Variants in CIITA observed in about 807,000 individuals in gnomAD.
CIITA encodes the protein class II major histocompatibility complex transactivator, also known as MHC class II transactivator.
CIITA carries 72 observed loss-of-function variants against 115.1 expected under a neutral mutation model. The ratio of observed to expected loss-of-function variants is 0.63; its 90% confidence interval spans 0.52 to 0.76. The LOEUF (loss-of-function observed/expected upper bound fraction) is 0.76, where lower values mean the gene tolerates loss of function less well. CIITA is among the 30% of genes least tolerant of loss of function. CIITA has a pLI of 0.00. For missense variants in CIITA, 1,617 were observed against 1,463.8 expected (o/e 1.10, Z -1.71); for synonymous variants, 763 against 635.6 (o/e 1.20, Z -3.02).
intron 16 of CIITA, among the ~76,000 whole-genome samples, chr16:10,918,848 G>A (rs892805302): frequency 1.3e-5 from 2 of 152,186 alleles, no homozygotes; most frequent in Non-Finnish European, 2.9e-5. Context: ...CGGAACCTAG[G>A]GGTGGTGGCT....
At chr16:10,902,932 C>G (rs1453530105) in intron 8 of CIITA, 131 bp downstream of exon 8, 2 of 1,132,000 alleles carry the variant, frequency 1.8e-6, no homozygotes, top group African/African-American at 3.1e-5. Context: ...CTCCCCAGCA[C>G]AACTTTCTCT....
chr16:10,918,413 GC>G, intron 15 of CIITA, 26 bp from the exon 16 acceptor site: 1 of 1,607,444 alleles, frequency 6.2e-7, no homozygotes, highest in Non-Finnish European at 8.5e-7. Flanking sequence ...TTGGTCCTGA[GC>G]CCTCCCCCTC....
intron 3 of CIITA, 70 bp downstream of exon 3, chr16:10,895,834 C>T (rs2038071757): frequency 2.1e-6 from 3 of 1,457,620 alleles, no homozygotes; most frequent in Admixed American, 1.7e-5. Context: ...TTGTCAATAT[C>T]ACCCATTCAT....
At chr16:10,902,254 G>A (rs1445288661) in intron 7 of CIITA, 70 bp downstream of exon 7, 1 of 1,594,476 alleles carries the variant, frequency 6.3e-7, no homozygotes, top group African/African-American at 1.3e-5. Context: ...TGACACTAAG[G>A]CAGGGACTGT....
In CIITA at chr16:10,929,694, T is replaced by G. The variant is rs2040694270; in HGVS notation, c.*5839T>G. 3.0e-6 allele frequency: 1 copy of G among 331,472 alleles called. No individual in the cohort carries two copies. The highest frequency in any genetic ancestry group is 2.2e-5 in the African/African-American group (1 of 44,586). The allele number at this position is 331,472 out of a possible 1,614,324, so 20.5% of individuals were successfully genotyped here. A position where few individuals can be genotyped will look rare whatever the true frequency, so the allele number is the denominator to read the frequency against. On this transcript the variant is annotated 3_prime_UTR_variant, in exon 20 of 20. Coordinates refer to ENST00000324288, the MANE Select transcript of CIITA (RefSeq NM_000246.4). The surrounding 1 kb of genome is among the most constrained non-coding windows in gnomAD (Gnocchi z 4.3). ...GGGAAGTCTTCCTCCATCCCTCAAA[T>G]TTAGGGAACCACTGGGAGCCCCAGA...
intron 1 of CIITA, among the ~76,000 whole-genome samples, chr16:10,893,804 TAAAAAAAAAAAAA>T (rs71136603): frequency 5.6e-4 from 18 of 32,172 alleles, no homozygotes; most frequent in Admixed American, 1.9e-3. Context: ...GACTCCGTCT[TAAAAAAAAAAAAA>T]AAAAAAAAAA....
In CIITA at chr16:10,894,576, A is replaced by T. The variant is rs867649186; in HGVS notation, c.53-706A>T. Among the ~76,000 whole-genome samples, 55 of 152,364 alleles carry T rather than the reference A, an allele frequency of 3.6e-4. No individual in the cohort carries two copies. The Middle Eastern group carries it at 0.017, about 47-fold the overall frequency. ...ATGTCAGGATATTTGAGGTATCCACATTTGGGATTGTTTAAAGATTAAATG... is the reference window on the plus strand; with the variant it reads ...ATGTCAGGATATTTGAGGTATCCACTTTTGGGATTGTTTAAAGATTAAATG... On this transcript the variant is annotated intron_variant, in intron 1 of 19. Transcript: ENST00000324288.
intron 1 of CIITA, among the ~76,000 whole-genome samples, chr16:10,893,799 C>G (rs911439269): frequency 5.0e-5 from 3 of 59,616 alleles, no homozygotes; most frequent in Non-Finnish European, 9.0e-5. Context: ...ACAGAGACTC[C>G]GTCTTAAAAA....
rs1015113927 is a variant in CIITA, at chr16:10,929,174, C to A, written c.*5319C>A. 2.0e-6 allele frequency: 2 copies of A among 979,676 alleles called. No homozygotes were observed. The highest frequency in any genetic ancestry group is 1.8e-5 in the African/African-American group (1 of 57,128). The allele number at this position is 979,676 out of a possible 1,614,324, so 60.7% of individuals were successfully genotyped here. ...CCTGAAACAGTCGCTGCATCTAAGACCAGCCTCGGGCTAAACCCAGCTGGC... is the reference window on the plus strand; with the variant it reads ...CCTGAAACAGTCGCTGCATCTAAGAACAGCCTCGGGCTAAACCCAGCTGGC... On this transcript the variant is annotated 3_prime_UTR_variant, in exon 20 of 20. Transcript: ENST00000324288. The surrounding 1 kb of genome is among the most constrained non-coding windows in gnomAD (Gnocchi z 4.3).
At chr16:10,904,936 TATTC>T (rs151070223) in intron 10 of CIITA, 124 bp downstream of exon 10, 67 of 944,740 alleles carry the variant, frequency 7.1e-5, no homozygotes, top group Middle Eastern at 2.1e-4. Context: ...CTCATTTATT[TATTC>T]ATTCATTCAT....
At position 10,922,597 on chromosome 16, in the gene CIITA, C is replaced by A. The variant is rs188617960; in HGVS notation, c.3317+107C>A. ...TGCTCTTCCCTTCACCAATCTGCAA[C>A]CCTGGGTGAGCAGACACTTCCCCCT... On this transcript the variant is annotated intron_variant, in intron 18 of 19. Transcript: ENST00000324288. 4.5e-5 allele frequency: 50 copies of A among 1,120,948 alleles called. No homozygotes were observed. The East Asian group carries it at 1.2e-3, about 26-fold the overall frequency. 69.4% of individuals were successfully genotyped at this position (1,120,948 alleles called of 1,614,324 possible). A position where few individuals can be genotyped will look rare whatever the true frequency, so the allele number is the denominator to read the frequency against.
intron 1 of CIITA, among the ~76,000 whole-genome samples, chr16:10,894,426 G>A (rs1344818905): frequency 6.6e-6 from 1 of 152,076 alleles, no homozygotes; most frequent in East Asian, 1.9e-4. Context: ...GAACATTCGT[G>A]TATAGGTTTT....
At position 10,898,937 on chromosome 16, in the gene CIITA, C is replaced by G. The variant is rs765896353; in HGVS notation, c.371C>G (p.Pro124Arg). Residue 124 changes from proline (P) to arginine (R), a missense_variant, in exon 5 of 20, where the codon CCA becomes CGA. Transcript: ENST00000324288. ...TTTCTCAAAGTAGAGCACATAGGAC[C>G]AGATGAAGTGATCGGTGAGAGTATG... ...LSKDIFKHIG[P>R]DEVIGESMEM... The G allele has an allele frequency of 1.9e-6, 3 of 1,613,870 alleles. No individual in the cohort carries two copies. In the South Asian group the frequency reaches 3.3e-5, roughly 18 times the overall value.
chr16:10,874,130 T>G (rs1393469607), upstream of CIITA, among the ~76,000 whole-genome samples: 2 of 152,020 alleles, frequency 1.3e-5, no homozygotes, highest in African/African-American at 4.8e-5. Context: ...ATTACAGGCG[T>G]GCACCACCAC....
chr16:10,897,141 C>T (rs1050721385), intron 3 of CIITA, among the ~76,000 whole-genome samples: 6 of 152,152 alleles, frequency 3.9e-5, no homozygotes, highest in Admixed American at 3.3e-4. Context: ...AACAACATAC[C>T]TGACACTGAG....
chr16:10,918,311 T>A, intron 15 of CIITA, 129 bp from the exon 16 acceptor site: 1 of 869,878 alleles, frequency 1.1e-6, no homozygotes, highest in Non-Finnish European at 2.0e-6. Context: ...AGTATCCTCC[T>A]ATTTACCGAG....
In CIITA at chr16:10,908,817, G is replaced by A. The variant is rs370864196; in HGVS notation, c.2658-212G>A. The A allele has an allele frequency of 6.2e-4, 418 of 677,374 alleles. 2 individuals are homozygous for A. Among genetic ancestry groups the A allele is most frequent in the Non-Finnish European group, 9.7e-4 (379 of 391,768 alleles). 42.0% of individuals were successfully genotyped at this position (677,374 alleles called of 1,614,324 possible). A position where few individuals can be genotyped will look rare whatever the true frequency, so the allele number is the denominator to read the frequency against. ...TTTAGCAGTGAGCTTCCTGGTAGCC[G>A]AAGCAAAAAGGGAAAGAAAACCACT... On this transcript the variant is annotated intron_variant, in intron 11 of 19. Transcript: ENST00000324288.
At position 10,909,202 on chromosome 16, in the gene CIITA, G is replaced by A. The variant is rs45473496; in HGVS notation, c.2816+15G>A. 1,034 of 1,613,796 alleles carry A rather than the reference G, an allele frequency of 6.4e-4. No individual in the cohort carries two copies. The highest frequency in any genetic ancestry group is 1.5e-3 in the Admixed American group (93 of 60,026). On this transcript the variant is annotated intron_variant, in intron 12 of 19. Coordinates refer to ENST00000324288, the MANE Select transcript of CIITA (RefSeq NM_000246.4). Reference sequence around the variant, plus strand: ...CAGACTCAGAGGTGAGAGGAGAGGCGGATGGGAGGTGGTTCACGCCATGCA... The same window carrying A: ...CAGACTCAGAGGTGAGAGGAGAGGCAGATGGGAGGTGGTTCACGCCATGCA...
chr16:10,894,117 G>A (rs376654376), intron 1 of CIITA, among the ~76,000 whole-genome samples: 1 of 152,300 alleles, frequency 6.6e-6, no homozygotes, highest in Admixed American at 6.5e-5. Context: ...CTCCCAAAGT[G>A]CTGGGATTTC....
Sources: gnomAD v4.1 joint callset for allele counts (sites outside exome capture counted in the v4.1 genomes callset) on GRCh38, gnomAD v4.1.1 for gene constraint, Gnocchi (gnomAD v3.1) non-coding constraint, MANE v1.5 for transcripts, NCBI Gene and HGNC (gene_info 2026-07-23, HGNC 2026-07-21) for gene names.